PTPRC: variants seen among roughly 807,000 people sequenced by gnomAD.
PTPRC encodes protein tyrosine phosphatase receptor type C.
A neutral mutation model predicts 155.9 loss-of-function variants in PTPRC; 44 were observed. The observed-to-expected ratio is 0.28, with a 90% confidence interval of 0.22 to 0.36. The LOEUF (loss-of-function observed/expected upper bound fraction) is 0.36, where lower values mean the gene tolerates loss of function less well. Among genes scored for constraint, PTPRC ranks in the 10% least tolerant of loss-of-function variants. The pLI is 1.00. For synonymous variants in PTPRC, 525 were observed against 533.1 expected (o/e 0.98, Z 0.21); for missense variants, 1,401 against 1,564.6 (o/e 0.90, Z 1.76).
In PTPRC at chr1:198,728,460, T is replaced by C; in HGVS notation, c.1829+12T>C. On this transcript the variant is annotated intron_variant, in intron 16 of 32. Transcript: ENST00000442510. Reference sequence around the variant, plus strand: ...AAGAAAAGATCCTGGTAAGAGTTGATTTTAAATTTTTAAATAATAATGGTA... The same window carrying C: ...AAGAAAAGATCCTGGTAAGAGTTGACTTTAAATTTTTAAATAATAATGGTA... 1 of 1,610,188 alleles carries C rather than the reference T, an allele frequency of 6.2e-7. No homozygotes were observed. The highest frequency in any genetic ancestry group is 8.5e-7 in the Non-Finnish European group (1 of 1,178,262).
chr1:198,676,698 A>C (rs72738034), intron 2 of PTPRC, among the ~76,000 whole-genome samples: 1,704 of 152,266 alleles, frequency 0.011, 18 homozygotes, highest in Non-Finnish European at 0.013. Context: ...CTTGCTTTTG[A>C]TAACATTTCT....
intron 32 of PTPRC, among the ~76,000 whole-genome samples, chr1:198,755,574 C>T (rs530048777): frequency 2.0e-5 from 3 of 151,968 alleles, no homozygotes; most frequent in Non-Finnish European, 4.4e-5. Context: ...GTGATTCCTG[C>T]CCTGATTCTT....
chr1:198,666,155 T>C (rs1664292319), intron 2 of PTPRC, among the ~76,000 whole-genome samples: 1 of 148,594 alleles, frequency 6.7e-6, no homozygotes, highest in South Asian at 2.1e-4. Context: ...ATTGTTTGAG[T>C]CGAGGAAATG....
chr1:198,640,243 C>A (rs933212547), intron 2 of PTPRC, among the ~76,000 whole-genome samples: 8 of 151,902 alleles, frequency 5.3e-5, no homozygotes, highest in African/African-American at 1.4e-4. Context: ...TTTAATATTT[C>A]TCTTTATGAT....
At chr1:198,662,028 G>A (rs369667134) in intron 2 of PTPRC, among the ~76,000 whole-genome samples, 1 of 152,126 alleles carries the variant, frequency 6.6e-6, no homozygotes, top group Non-Finnish European at 1.5e-5. Context: ...TCTTCCAAAC[G>A]ATGGTGATTA....
intron 15 of PTPRC, among the ~76,000 whole-genome samples, chr1:198,724,537 A>G (rs1412990844): frequency 6.6e-6 from 1 of 152,056 alleles, no homozygotes; most frequent in African/African-American, 2.4e-5. Flanking sequence ...TCTCCCATAC[A>G]AAAAAAATTT....
chr1:198,732,579 C>T (rs1225457693), intron 20 of PTPRC, 23 bp downstream of exon 20: 1 of 1,517,678 alleles, frequency 6.6e-7, no homozygotes, highest in Admixed American at 1.7e-5. Flanking sequence ...TTGCATTTTT[C>T]TTATACCTAC....
chr1:198,720,530 A>T (rs139574264), intron 14 of PTPRC, among the ~76,000 whole-genome samples: 1 of 151,954 alleles, frequency 6.6e-6, no homozygotes, highest in Non-Finnish European at 1.5e-5. Context: ...GGGGTTCACC[A>T]TGTTGGCCAG....
At position 198,750,684 on chromosome 1, in the gene PTPRC, G is replaced by A. The variant is rs1330158263; in HGVS notation, c.3207+58G>A. ...TTCTGTCATAAAACGTCATTCTCTA[G>A]TCTTGGATTGCTTGCTTCATCGCCA... On this transcript the variant is annotated intron_variant, in intron 29 of 32. Transcript: ENST00000442510. 1.9e-6 allele frequency: 3 copies of A among 1,584,554 alleles called. No homozygotes were observed. The African/African-American group carries it at 4.0e-5, about 21-fold the overall frequency.
intron 2 of PTPRC, among the ~76,000 whole-genome samples, chr1:198,656,416 C>A (rs765643538): frequency 6.6e-6 from 1 of 152,052 alleles, no homozygotes; most frequent in Non-Finnish European, 1.5e-5. Context: ...GAAGAAATAG[C>A]AATCTATTAT....
intron 2 of PTPRC, chr1:198,657,417 C>A (rs907078984): frequency 1.3e-5 from 2 of 152,000 alleles, no homozygotes; most frequent in African/African-American, 4.8e-5. Context: ...CAAGAATAAA[C>A]CATTTTCTCC....
chr1:198,709,598 A>G (rs181121948), intron 10 of PTPRC, 89 bp from the exon 11 acceptor site: 3 of 1,148,774 alleles, frequency 2.6e-6, no homozygotes, highest in African/African-American at 1.6e-5. Flanking sequence ...TAAATATTAA[A>G]TAGAGAATTA....
At chr1:198,641,479 TG>T (rs1662579055) in intron 2 of PTPRC, among the ~76,000 whole-genome samples, 1 of 152,044 alleles carries the variant, frequency 6.6e-6, no homozygotes, top group Non-Finnish European at 1.5e-5. Context: ...GGTAACTCTA[TG>T]CATAATTCAA....
intron 15 of PTPRC, among the ~76,000 whole-genome samples, chr1:198,725,109 T>C (rs1189419416): frequency 6.6e-6 from 1 of 152,154 alleles, no homozygotes; most frequent in Admixed American, 6.5e-5. Flanking sequence ...GCCCTGAATC[T>C]TTTTCATTCA....
At chr1:198,647,541 G>T (rs1663007052) in intron 2 of PTPRC, among the ~76,000 whole-genome samples, 1 of 151,882 alleles carries the variant, frequency 6.6e-6, no homozygotes, top group Non-Finnish European at 1.5e-5. Flanking sequence ...AAAAGAAATT[G>T]CTTAGAGCCC....
chr1:198,672,189 G>T (rs1158039657), intron 2 of PTPRC, among the ~76,000 whole-genome samples: 1 of 152,034 alleles, frequency 6.6e-6, no homozygotes, highest in African/African-American at 2.4e-5. Flanking sequence ...TTTTTCCTCA[G>T]TCTTAAAAAG....
chr1:198,655,072 A>G (rs1663482097), intron 2 of PTPRC, among the ~76,000 whole-genome samples: 1 of 151,966 alleles, frequency 6.6e-6, no homozygotes, highest in African/African-American at 2.4e-5. Context: ...AATGGACCAG[A>G]GAATGTGTCT....
intron 2 of PTPRC, among the ~76,000 whole-genome samples, chr1:198,664,747 TC>T (rs1171631121): frequency 6.6e-6 from 1 of 152,132 alleles, no homozygotes; most frequent in East Asian, 1.9e-4. Context: ...AAATCTCCTC[TC>T]CGAGGTCCCT....
chr1:198,691,782 C>G (rs551148069), intron 2 of PTPRC, among the ~76,000 whole-genome samples: 44 of 152,158 alleles, frequency 2.9e-4, no homozygotes, highest in Non-Finnish European at 6.2e-4. Context: ...CCTTTACCAG[C>G]CAACCACCAA....
Sources: gnomAD v4.1 joint callset for allele counts (sites outside exome capture counted in the v4.1 genomes callset) on GRCh38, gnomAD v4.1.1 for gene constraint, MANE v1.5 for transcripts, NCBI Gene and HGNC (gene_info 2026-07-23, HGNC 2026-07-21) for gene names.